ART1: variants seen among roughly 807,000 people sequenced by gnomAD.
ART1 encodes the protein ADP-ribosyltransferase 1.
ART1 carries 29 observed loss-of-function variants against 27.0 expected under a neutral mutation model. The ratio of observed to expected loss-of-function variants is 1.08; its 90% CI spans 0.80 to 1.47. ART1 has a LOEUF of 1.47. Among genes scored for constraint, ART1 ranks in the 40% most tolerant of loss-of-function variants. The probability of loss-of-function intolerance (pLI) is 0.00; values close to 1 mark genes in which losing one functional copy is unlikely to be tolerated. For synonymous variants in ART1, 201 were observed against 172.2 expected (o/e 1.17, Z -1.31); for missense variants, 480 against 423.0 (o/e 1.13, Z -1.18).
intron 1 of ART1, among the ~76,000 whole-genome samples, chr11:3,648,451 T>G (rs1055049468): frequency 4.6e-5 from 7 of 152,174 alleles, no homozygotes; most frequent in African/African-American, 1.7e-4. Context: ...CAATTTCAAA[T>G]CCAGTAAGCA....
intron 1 of ART1, among the ~76,000 whole-genome samples, chr11:3,653,062 G>C (rs542353130): frequency 2.7e-5 from 4 of 147,792 alleles, no homozygotes; most frequent in Admixed American, 1.3e-4. Context: ...CAAAATCTTC[G>C]TTCAGCTTAA....
intron 4 of ART1, 52 bp from the exon 5 acceptor site, chr11:3,664,040 C>G: frequency 6.3e-7 from 1 of 1,582,232 alleles, no homozygotes; most frequent in Non-Finnish European, 8.7e-7. Context: ...CTCCTAAATA[C>G]CTCTTTTTTT....
chr11:3,652,927 C>T (rs1387169695), intron 1 of ART1, among the ~76,000 whole-genome samples: 1 of 149,168 alleles, frequency 6.7e-6, no homozygotes, highest in East Asian at 1.9e-4. Flanking sequence ...CCTTTTATAC[C>T]TGTTTTTCTC....
chr11:3,645,833 G>A (rs1387680395), intron 1 of ART1, among the ~76,000 whole-genome samples: 3 of 152,156 alleles, frequency 2.0e-5, no homozygotes, highest in Non-Finnish European at 4.4e-5. Context: ...GGTGGCCCTC[G>A]GGTTAAGCCT....
Position 3,660,349 on chromosome 11 carries a change from G to C in ART1, c.830G>C (p.Cys277Ser). 9 of 1,601,400 alleles carry C rather than the reference G, an allele frequency of 5.6e-6. No homozygotes were observed. Among genetic ancestry groups the C allele is most frequent in the Non-Finnish European group, 7.6e-6 (9 of 1,178,650 alleles). The change falls in exon 3 of 5, where the codon TGC (cysteine) becomes TCC (serine). Residue 277 changes from cysteine to serine, a missense_variant. Cys to Ser is a moderately radical substitution (Grantham distance 112). Coordinates refer to ENST00000250693, the MANE Select transcript of ART1 (RefSeq NM_004314.3). ...RALGKHSTYN[C>S]EYIKDKKCKS... is the part of the protein sequence containing the mutation. ...CTGGGCAAGCACAGCACCTACAACT[G>C]CGAGTACATCAAAGGTAGGAGGGCA...
At chr11:3,661,154 G>A (rs920170817) in intron 3 of ART1, among the ~76,000 whole-genome samples, 1 of 152,154 alleles carries the variant, frequency 6.6e-6, no homozygotes, top group African/African-American at 2.4e-5. Flanking sequence ...GTGCCCCAGA[G>A]TAGACCCTGG....
In ART1 at chr11:3,658,348, AAGAG is replaced by A. The variant is rs1263026071; in HGVS notation, c.-52-808_-52-805del. 6.9e-4 allele frequency among the ~76,000 whole-genome samples: 105 copies of A among 151,180 alleles called. 1 individual carries two copies. The South Asian group carries it at 8.1e-3, about 12-fold the overall frequency. On this transcript the variant is annotated intron_variant, in intron 1 of 4. Transcript: ENST00000250693. ...ACTTGGTCTCGGAAAAAAAAAAAAA[AAGAG>A]AGAGAAAGAAAAAAAAGGAAACTGC...
chr11:3,653,529 C>CAG (rs910315703), intron 1 of ART1, among the ~76,000 whole-genome samples: 1 of 151,884 alleles, frequency 6.6e-6, no homozygotes, highest in Non-Finnish European at 1.5e-5. Context: ...CCCTTATCTC[C>CAG]CTTCGCTGAC....
chr11:3,654,943 C>G (rs1227803937), intron 1 of ART1, among the ~76,000 whole-genome samples: 1 of 152,244 alleles, frequency 6.6e-6, no homozygotes, highest in Admixed American at 6.5e-5. Flanking sequence ...GCTGTGGAGA[C>G]ACAATGAGAG....
intron 1 of ART1, among the ~76,000 whole-genome samples, chr11:3,650,393 G>A (rs182754242): frequency 8.9e-4 from 136 of 152,304 alleles, no homozygotes; most frequent in Non-Finnish European, 3.4e-4. Context: ...AGATCTTCTC[G>A]GCTTAGCAGC....
chr11:3,654,957 C>T (rs2077558398), intron 1 of ART1, among the ~76,000 whole-genome samples: 3 of 152,248 alleles, frequency 2.0e-5, no homozygotes, highest in Non-Finnish European at 4.4e-5. Context: ...ATGAGAGATA[C>T]AGCTGGCCCA....
At position 3,660,369 on chromosome 11, in the gene ART1, A is replaced by AG; in HGVS notation, c.844+9dup. On this transcript the variant is annotated splice_region_variant and intron_variant, in intron 3 of 4. Coordinates refer to ENST00000250693, the MANE Select transcript of ART1 (RefSeq NM_004314.3). ...CAACTGCGAGTACATCAAAGGTAGG[A>AG]GGGCAAGCGCTGGTCGGCACCTGTG... is the stretch of plus-strand genomic sequence containing the variant. 1.3e-6 allele frequency: 2 copies of AG among 1,595,518 alleles called. No individual in the cohort carries two copies. Among genetic ancestry groups the AG allele is most frequent in the Non-Finnish European group, 1.7e-6 (2 of 1,175,900 alleles).
At chr11:3,662,085 C>T (rs926039719) in intron 4 of ART1, among the ~76,000 whole-genome samples, 9 of 152,224 alleles carry the variant, frequency 5.9e-5, no homozygotes, top group Non-Finnish European at 1.2e-4. Flanking sequence ...AGTGCAGAAC[C>T]CACTGTCTCT....
chr11:3,655,307 A>T (rs554959790), intron 1 of ART1, among the ~76,000 whole-genome samples: 1 of 139,994 alleles, frequency 7.1e-6, no homozygotes, highest in South Asian at 2.3e-4. Context: ...AAGAAATACA[A>T]GTCAGGGAGC....
chr11:3,650,503 C>A (rs960006832), intron 1 of ART1, among the ~76,000 whole-genome samples: 12 of 152,212 alleles, frequency 7.9e-5, no homozygotes, highest in Admixed American at 2.6e-4. Context: ...CCGTCCCCTT[C>A]TTAATCAATA....
At chr11:3,660,417 C>T in intron 3 of ART1, 54 bp downstream of exon 3, 1 of 1,544,302 alleles carries the variant, frequency 6.5e-7, no homozygotes, top group Non-Finnish European at 8.7e-7. Context: ...CTTCCACATC[C>T]ACCAGGGACT....
At chr11:3,651,991 C>T (rs1034099889) in intron 1 of ART1, among the ~76,000 whole-genome samples, 6 of 151,606 alleles carry the variant, frequency 4.0e-5, no homozygotes, top group South Asian at 2.1e-4. Context: ...GCCACCAGCC[C>T]GCCTCTTAGA....
At chr11:3,650,370 C>T (rs1246918639) in intron 1 of ART1, among the ~76,000 whole-genome samples, 43 of 152,246 alleles carry the variant, frequency 2.8e-4, no homozygotes, top group Admixed American at 2.8e-3. Flanking sequence ...GGCTCCCTGA[C>T]TGACTCCTTC....
chr11:3,646,128 A>G (rs915821378), intron 1 of ART1, among the ~76,000 whole-genome samples: 1 of 151,202 alleles, frequency 6.6e-6, no homozygotes, highest in Non-Finnish European at 1.5e-5. Flanking sequence ...TTTTTACTCT[A>G]TATTTTGAGA....
Sources: allele counts gnomAD v4.1 joint callset (sites outside exome capture counted in the v4.1 genomes callset), GRCh38; gene constraint gnomAD v4.1.1; transcripts MANE v1.5; gene names NCBI Gene and HGNC (gene_info 2026-07-23, HGNC 2026-07-21).